GYS2: variants seen among roughly 807,000 people sequenced by gnomAD.
The protein encoded by GYS2 is glycogen synthase 2.
Under a neutral mutation model 85.6 loss-of-function variants are expected in GYS2, and 80 were observed. That is an observed-to-expected ratio of 0.93 (90% CI 0.78 to 1.13). GYS2 has a LOEUF of 1.13. Ranked by LOEUF, GYS2 falls within the 50% of genes most tolerant of loss-of-function variation. GYS2 has a pLI of 0.00. For missense variants in GYS2, 881 were observed against 854.9 expected (o/e 1.03, Z -0.38); for synonymous variants, 328 against 300.7 (o/e 1.09, Z -0.94).
chr12:21,583,879 A>G (rs1316881355), intron 1 of GYS2, among the ~76,000 whole-genome samples: 2 of 152,200 alleles, frequency 1.3e-5, no homozygotes, highest in African/African-American at 4.8e-5. Flanking sequence ...GCAGATCCTG[A>G]AGGCACTAGT....
At chr12:21,533,185 C>A (rs1286027821), downstream of GYS2, among the ~76,000 whole-genome samples, 1 of 152,038 alleles carries the variant, frequency 6.6e-6, no homozygotes, top group Non-Finnish European at 1.5e-5. Context: ...CTCTTTTTTG[C>A]CTCTATAGCC....
At chr12:21,579,136 C>G (rs1944478919) in intron 2 of GYS2, among the ~76,000 whole-genome samples, 1 of 152,106 alleles carries the variant, frequency 6.6e-6, no homozygotes, top group African/African-American at 2.4e-5. Context: ...CTGACTTAAT[C>G]CCTTCTTCAT....
intron 4 of GYS2, among the ~76,000 whole-genome samples, chr12:21,569,432 A>T (rs943329072): frequency 1.3e-4 from 20 of 152,226 alleles, no homozygotes; most frequent in African/African-American, 4.6e-4. Flanking sequence ...AAGAATAATT[A>T]TTATAATGCT....
chr12:21,589,656 C>T (rs556162444), intron 1 of GYS2, among the ~76,000 whole-genome samples: 33 of 152,210 alleles, frequency 2.2e-4, no homozygotes, highest in Non-Finnish European at 3.7e-4. Flanking sequence ...CCCAGTGCAT[C>T]GAAAGTTAAG....
intron 1 of GYS2, 62 bp from the exon 2 acceptor site, chr12:21,580,585 G>A: frequency 1.7e-6 from 2 of 1,193,858 alleles, no homozygotes; most frequent in Admixed American, 3.4e-5. Flanking sequence ...AAGTAATAAG[G>A]GATGGAAATG....
intron 1 of GYS2, among the ~76,000 whole-genome samples, chr12:21,591,808 C>A (rs566368493): frequency 1.3e-5 from 2 of 152,038 alleles, no homozygotes; most frequent in Non-Finnish European, 2.9e-5. Flanking sequence ...TCAGCAGAAA[C>A]CTCACAGGCC....
At chr12:21,545,756 T>A (rs1944030989) in intron 12 of GYS2, among the ~76,000 whole-genome samples, 1 of 152,246 alleles carries the variant, frequency 6.6e-6, no homozygotes, top group Non-Finnish European at 1.5e-5. Context: ...AATGGAATGA[T>A]GTCATTGTTG....
rs1375955396 is a variant in GYS2 at position 21,558,312 on chromosome 12, C to T, written c.1310G>A (p.Arg437Gln). The change falls in exon 11 of 16, where the codon CGA (arginine) becomes CAA (glutamine). Residue 437 changes from arginine to glutamine, a missense_variant and splice_region_variant. Transcript: ENST00000261195. Reference sequence around the variant, plus strand: ...CGTGGTCACTGGGGGCAATGACTGTCGCTGAAGTATGAGAGGGAAGGAAAT... The same window carrying T: ...CGTGGTCACTGGGGGCAATGACTGTTGCTGAAGTATGAGAGGGAAGGAAAT... ...IMKRAIFSTQ[R>Q]QSLPPVTTHN... 1 of 1,590,818 alleles carries T rather than the reference C, an allele frequency of 6.3e-7. No homozygotes were observed. The highest frequency in any genetic ancestry group is 1.1e-5 in the South Asian group (1 of 90,626).
At chr12:21,600,612 T>C (rs909517608) in intron 1 of GYS2, among the ~76,000 whole-genome samples, 8 of 152,192 alleles carry the variant, frequency 5.3e-5, no homozygotes, top group East Asian at 1.9e-4. Context: ...TATTAAACTT[T>C]AGAGCAGTTG....
chr12:21,569,088 C>A, intron 4 of GYS2, 79 bp from the exon 5 acceptor site: 1 of 1,450,080 alleles, frequency 6.9e-7, no homozygotes, highest in Non-Finnish European at 9.7e-7. Flanking sequence ...CACATTTCAC[C>A]AAGTGGCTTA....
chr12:21,550,061 G>C (rs1944087770), intron 11 of GYS2, among the ~76,000 whole-genome samples: 2 of 152,006 alleles, frequency 1.3e-5, no homozygotes, highest in African/African-American at 4.8e-5. Flanking sequence ...GCCAGTGGGA[G>C]CTCCTTCAAG....
chr12:21,546,596 A>G, intron 11 of GYS2, 126 bp from the exon 12 acceptor site: 1 of 637,776 alleles, frequency 1.6e-6, no homozygotes, highest in Non-Finnish European at 2.7e-6. Context: ...AGAAAGAAAA[A>G]AAGAGATAAG....
intron 11 of GYS2, among the ~76,000 whole-genome samples, chr12:21,553,969 G>T (rs1409526551): frequency 1.3e-5 from 2 of 152,186 alleles, no homozygotes; most frequent in African/African-American, 4.8e-5. Context: ...TAACTGAAAA[G>T]CCATGTTGAG....
At chr12:21,557,713 C>G (rs560800604) in intron 11 of GYS2, among the ~76,000 whole-genome samples, 1 of 152,090 alleles carries the variant, frequency 6.6e-6, no homozygotes, top group Non-Finnish European at 1.5e-5. Flanking sequence ...TCCTGGCTTA[C>G]ATGGTGAAAC....
At chr12:21,561,027 C>T (rs1401769945) in intron 7 of GYS2, among the ~76,000 whole-genome samples, 7 of 152,062 alleles carry the variant, frequency 4.6e-5, no homozygotes, top group African/African-American at 1.2e-4. Flanking sequence ...TGTCTTGATT[C>T]TCATGATGTT....
At chr12:21,545,406 C>T (rs1482621440) in intron 12 of GYS2, among the ~76,000 whole-genome samples, 2 of 152,200 alleles carry the variant, frequency 1.3e-5, no homozygotes, top group Non-Finnish European at 2.9e-5. Context: ...CATGCCACTG[C>T]ACTCCAGCCT....
chr12:21,549,278 T>C (rs1944078665), intron 11 of GYS2, among the ~76,000 whole-genome samples: 1 of 152,188 alleles, frequency 6.6e-6, no homozygotes, highest in Non-Finnish European at 1.5e-5. Flanking sequence ...TGAAAATAAG[T>C]GACATCTGAT....
chr12:21,568,680 A>T (rs557783575), intron 5 of GYS2, among the ~76,000 whole-genome samples, 185 bp downstream of exon 5: 1 of 152,214 alleles, frequency 6.6e-6, no homozygotes, highest in African/African-American at 2.4e-5. Flanking sequence ...GCCATGTTCC[A>T]GATATAGCTT....
chr12:21,554,089 C>T lies in GYS2; in HGVS notation c.1422+4111G>A, dbSNP rs1944146296. Among the ~76,000 whole-genome samples the T allele has an allele frequency of 3.3e-5, 5 of 150,990 alleles. No individual in the cohort carries two copies. The South Asian group carries it at 1.0e-3, about 32-fold the overall frequency. On this transcript the variant is annotated intron_variant, in intron 11 of 15. Transcript: ENST00000261195. ...TTAATTCTTGTTTTTTTATTAAATACATTGACTTTCCTTTCTAGGAAGGAA... is the reference window on the plus strand; with the variant it reads ...TTAATTCTTGTTTTTTTATTAAATATATTGACTTTCCTTTCTAGGAAGGAA...
Sources: allele counts gnomAD v4.1 joint callset (sites outside exome capture counted in the v4.1 genomes callset), GRCh38; gene constraint gnomAD v4.1.1; transcripts MANE v1.5; gene names NCBI Gene and HGNC (gene_info 2026-07-23, HGNC 2026-07-21).